Variants in MYH11 observed in about 807,000 individuals in gnomAD.
MYH11 encodes myosin-11.
In MYH11, 80 loss-of-function variants were observed where a neutral mutation model predicts 246.6. The ratio of observed to expected loss-of-function variants is 0.32; its 90% CI spans 0.27 to 0.39. MYH11 has a LOEUF of 0.39. Among genes scored for constraint, MYH11 ranks in the 10% least tolerant of loss-of-function variants. The pLI is 1.00. For missense variants in MYH11, 2,158 were observed against 2,546.8 expected (o/e 0.85, Z 3.29); for synonymous variants, 1,071 against 1,015.5 (o/e 1.05, Z -1.04).
chr16:15,783,441 AG>A, intron 5 of MYH11: 1 of 152,426 alleles, frequency 6.6e-6, no homozygotes, highest in East Asian at 1.9e-4. Context: ...GGAAGGCATC[AG>A]GGTACCTGGT....
At chr16:15,743,057 T>C (rs2041319759) in intron 20 of MYH11, among the ~76,000 whole-genome samples, 1 of 151,514 alleles carries the variant, frequency 6.6e-6, no homozygotes, top group Non-Finnish European at 1.5e-5. Flanking sequence ...TTTTAATAGC[T>C]GAAAACATTC....
intron 38 of MYH11, among the ~76,000 whole-genome samples, chr16:15,716,899 A>G (rs1419410140): frequency 6.6e-6 from 1 of 152,354 alleles, no homozygotes; most frequent in African/African-American, 2.4e-5. Context: ...GGTTAATGTC[A>G]GGAGGACCAT....
At chr16:15,800,329 T>C (rs1345763764) in intron 3 of MYH11, among the ~76,000 whole-genome samples, 4 of 149,794 alleles carry the variant, frequency 2.7e-5, no homozygotes. Context: ...GATGGATAGA[T>C]GGACAGGTAG....
At chr16:15,814,871 C>T (rs965476496) in intron 3 of MYH11, among the ~76,000 whole-genome samples, 10 of 152,084 alleles carry the variant, frequency 6.6e-5, no homozygotes, top group African/African-American at 2.2e-4. Context: ...AGAGGGTCTC[C>T]GTCCTGGGGG....
Position 15,705,984 on chromosome 16 carries a change from C to CAAA in MYH11, c.5787-1864_5787-1862dup, listed in dbSNP as rs57451847. Among the ~76,000 whole-genome samples the CAAA allele has an allele frequency of 2.6e-4, 15 of 56,760 alleles. 2 individuals are homozygous for CAAA. Among genetic ancestry groups the CAAA allele is most frequent in the Admixed American group, 4.5e-4 (2 of 4,436 alleles). The allele number at this position is 56,760 out of a possible 152,430, so 37.2% of individuals were successfully genotyped here. A position where few individuals can be genotyped will look rare whatever the true frequency, so the allele number is the denominator to read the frequency against. ...TAGGCGACAGGGTGAGACTCCGTCT[C>CAAA]AAAAAAAAAAAAAAAAAAAAATCAA... On this transcript the variant is annotated intron_variant, in intron 40 of 40. Coordinates refer to ENST00000300036, the MANE Select transcript of MYH11 (RefSeq NM_002474.3).
chr16:15,815,167 C>T (rs889132064), intron 3 of MYH11, among the ~76,000 whole-genome samples: 2 of 152,182 alleles, frequency 1.3e-5, no homozygotes, highest in Non-Finnish European at 2.9e-5. Flanking sequence ...CTTCCATCAA[C>T]AATTTGGTAT....
At chr16:15,730,371 A>T (rs1277319344) in intron 27 of MYH11, among the ~76,000 whole-genome samples, 1 of 100,732 alleles carries the variant, frequency 9.9e-6, no homozygotes, top group African/African-American at 1.1e-4. Context: ...ATCTCTACTA[A>T]AAAAAAAAAA....
chr16:15,803,843 C>T (rs781132952), intron 3 of MYH11, among the ~76,000 whole-genome samples: 3 of 152,154 alleles, frequency 2.0e-5, no homozygotes, highest in African/African-American at 7.2e-5. Flanking sequence ...GCTGCCAGCG[C>T]GGCTCCGAGC....
Position 15,786,743 on chromosome 16 carries a change from C to CG in MYH11, c.531-12dup, listed in dbSNP as rs773927580. On this transcript the variant is annotated splice_polypyrimidine_tract_variant and intron_variant, in intron 4 of 40. Coordinates refer to ENST00000300036, the MANE Select transcript of MYH11 (RefSeq NM_002474.3). The stretch of plus-strand genomic sequence containing the variant: ...GCTCCAGACTCGCCTCTGAAAGACA[C>CG]GGGAACATCATCTATGCACACGTTC... 1 of 1,611,768 alleles carries CG rather than the reference C, an allele frequency of 6.2e-7. No homozygotes were observed. The highest frequency in any genetic ancestry group is 8.5e-7 in the Non-Finnish European group (1 of 1,178,314).
chr16:15,757,836 G>A lies in MYH11; in HGVS notation c.1566C>T (p.Ile522=), dbSNP rs541905355. ...CCCACGTGCCCCTCACCGGTCGCTC[G>A]ATGAGCTCGATGCAGGGCTGTAGGT... is the stretch of plus-strand genomic sequence containing the variant. The part of the protein sequence containing the change: ...GLDLQPCIEL[I]ERPNNPPGVL... The change falls in exon 13 of 41, where the codon ATC becomes ATT. Residue 522 remains isoleucine (I), a synonymous_variant. Coordinates refer to ENST00000300036, the MANE Select transcript of MYH11 (RefSeq NM_002474.3). 1.4e-5 allele frequency: 23 copies of A among 1,614,184 alleles called. No individual in the cohort carries two copies. Among genetic ancestry groups the A allele is most frequent in the South Asian group, 8.8e-5 (8 of 91,084 alleles).
chr16:15,716,676 C>T (rs1171156500), intron 38 of MYH11, among the ~76,000 whole-genome samples: 1 of 152,156 alleles, frequency 6.6e-6, no homozygotes, highest in Non-Finnish European at 1.5e-5. Context: ...CATGTGCCAC[C>T]ACACTCGGCT....
chr16:15,708,360 G>A (rs897195071), intron 40 of MYH11, among the ~76,000 whole-genome samples: 1 of 152,182 alleles, frequency 6.6e-6, no homozygotes, highest in Non-Finnish European at 1.5e-5. Context: ...AGCCAAGTAC[G>A]TTCTCCAGGA....
intron 40 of MYH11, 139 bp downstream of exon 40, chr16:15,714,770 A>T (rs1195814105): frequency 9.0e-6 from 10 of 1,107,720 alleles, no homozygotes; most frequent in Non-Finnish European, 1.2e-5. Context: ...CTTAGTGATT[A>T]AGGAGAAGCA....
chr16:15,817,051 A>C (rs62030630), intron 3 of MYH11, among the ~76,000 whole-genome samples: 20,888 of 152,128 alleles, frequency 0.14, 1,484 homozygotes, highest in East Asian at 0.15. Flanking sequence ...ATAGATACCT[A>C]TTTGCTTATA....
At chr16:15,716,470 G>C (rs2040147654) in intron 38 of MYH11, among the ~76,000 whole-genome samples, 1 of 152,130 alleles carries the variant, frequency 6.6e-6, no homozygotes, top group South Asian at 2.1e-4. Context: ...AAGGCTTCCA[G>C]TGTGTGTACC....
intron 3 of MYH11, among the ~76,000 whole-genome samples, chr16:15,812,360 G>C (rs1017717415): frequency 1.3e-5 from 2 of 151,966 alleles, no homozygotes; most frequent in Non-Finnish European, 2.9e-5. Context: ...AGGCATGCAC[G>C]AGAAGGAAGA....
At chr16:15,821,654 T>TA (rs1234964615) in intron 3 of MYH11, among the ~76,000 whole-genome samples, 1 of 151,240 alleles carries the variant, frequency 6.6e-6, no homozygotes, top group Non-Finnish European at 1.5e-5. Context: ...TATGGTGGCT[T>TA]ATGCCTGTAA....
chr16:15,812,322 T>G (rs2043156103), intron 3 of MYH11, among the ~76,000 whole-genome samples: 1 of 152,012 alleles, frequency 6.6e-6, no homozygotes, highest in South Asian at 2.1e-4. Flanking sequence ...ATAAACCTTG[T>G]AAGCATATGC....
At chr16:15,795,439 C>T (rs2042722506) in intron 4 of MYH11, among the ~76,000 whole-genome samples, 1 of 152,068 alleles carries the variant, frequency 6.6e-6, no homozygotes. Context: ...TGACAAAACC[C>T]TGTCTCTACT....
Sources: allele counts gnomAD v4.1 joint callset (sites outside exome capture counted in the v4.1 genomes callset), GRCh38; gene constraint gnomAD v4.1.1; transcripts MANE v1.5; gene names NCBI Gene and HGNC (gene_info 2026-07-23, HGNC 2026-07-21).